The following MAP3K21 variants were observed in gnomAD, a reference collection of about 807,000 sequenced individuals.
MAP3K21 encodes the protein mitogen-activated protein kinase kinase kinase 21.
In MAP3K21, 63 loss-of-function variants were observed where a neutral mutation model predicts 86.1. The observed-to-expected ratio is 0.73, with a 90% CI of 0.60 to 0.90. The LOEUF (loss-of-function observed/expected upper bound fraction) is 0.90, where lower values mean the gene tolerates loss of function less well. Ranked by LOEUF, MAP3K21 falls within the 40% of genes least tolerant of loss-of-function variation. The probability of loss-of-function intolerance (pLI) is 0.00; values close to 1 mark genes in which losing one functional copy is unlikely to be tolerated. For missense variants in MAP3K21, 1,220 were observed against 1,367.7 expected (o/e 0.89, Z 1.70); for synonymous variants, 558 against 564.8 (o/e 0.99, Z 0.17).
intron 9 of MAP3K21, among the ~76,000 whole-genome samples, chr1:233,380,002 C>T (rs567915051): frequency 1.2e-4 from 18 of 152,320 alleles, no homozygotes; most frequent in Admixed American, 1.2e-3. Context: ...GAAAGACAAG[C>T]CAGCTGCCCC....
intron 5 of MAP3K21, among the ~76,000 whole-genome samples, chr1:233,370,187 T>C (rs1663657447): frequency 6.6e-6 from 1 of 152,208 alleles, no homozygotes; most frequent in African/African-American, 2.4e-5. Flanking sequence ...TGAGCATTTA[T>C]TATGTCCCAA....
chr1:233,352,392 T>G (rs1321429705), intron 2 of MAP3K21, among the ~76,000 whole-genome samples: 1 of 152,030 alleles, frequency 6.6e-6, no homozygotes, highest in East Asian at 1.9e-4. Context: ...CATCCTACAG[T>G]GCGTTAAAAC....
Position 233,376,722 on chromosome 1 carries a change from T to C in MAP3K21, c.1924+195T>C, listed in dbSNP as rs573622092. Among the ~76,000 whole-genome samples the C allele has an allele frequency of 2.0e-5, 3 of 152,354 alleles. No individual in the cohort carries two copies. The South Asian group carries it at 6.2e-4, about 32-fold the overall frequency. The stretch of plus-strand genomic sequence containing the variant: ...TATTTATGGCAGGAAGTAATTAGGC[T>C]TCACGTGGTTTTGGGAATTTGTAAC... On this transcript the variant is annotated intron_variant, in intron 8 of 9. Coordinates refer to ENST00000366624, the MANE Select transcript of MAP3K21 (RefSeq NM_032435.3).
chr1:233,335,165 A>T (rs1490046579), intron 1 of MAP3K21, among the ~76,000 whole-genome samples: 1 of 152,100 alleles, frequency 6.6e-6, no homozygotes, highest in Non-Finnish European at 1.5e-5. Context: ...GGGCTCCCGA[A>T]AAATAGAAGC....
intron 5 of MAP3K21, among the ~76,000 whole-genome samples, chr1:233,364,245 G>T (rs1475744091): frequency 6.6e-6 from 1 of 151,550 alleles, no homozygotes; most frequent in Non-Finnish European, 1.5e-5. Context: ...TGACTGGTCT[G>T]TCTTACGTGT....
rs779367692 is a variant in MAP3K21, at chr1:233,346,576, G to A, written c.940G>A (p.Glu314Lys). The A allele has an allele frequency of 1.9e-6, 3 of 1,613,894 alleles. No individual in the cohort carries two copies. The highest frequency in any genetic ancestry group is 2.2e-5 in the East Asian group (1 of 44,882). The change falls in exon 2 of 10, where the codon GAA becomes AAA. Residue 314 changes from glutamate (E) to lysine (K), a missense_variant. Physicochemically the swap from Glu to Lys is moderately conservative, Grantham distance 56 (BLOSUM62 1). Coordinates refer to ENST00000366624, the MANE Select transcript of MAP3K21 (RefSeq NM_032435.3). ...AGGCACCTATGCCTGGATGGCCCCC[G>A]AAGTGATCAAGTCTTCCTTGTTTTC... The part of the protein sequence containing the change: ...TAGTYAWMAP[E>K]VIKSSLFSKG...
intron 2 of MAP3K21, among the ~76,000 whole-genome samples, chr1:233,353,593 T>A (rs974494505): frequency 6.6e-6 from 1 of 152,232 alleles, no homozygotes. Flanking sequence ...GAATGCATAC[T>A]GGATTTCTGG....
At chr1:233,355,487 G>A (rs1168698156) in intron 4 of MAP3K21, among the ~76,000 whole-genome samples, 1 of 152,160 alleles carries the variant, frequency 6.6e-6, no homozygotes, top group African/African-American at 2.4e-5. Context: ...CTTACTACAT[G>A]CTGGGACAGT....
At chr1:233,379,791 T>C (rs1176847533) in intron 9 of MAP3K21, 81 bp downstream of exon 9, 2 of 1,084,944 alleles carry the variant, frequency 1.8e-6, no homozygotes, top group Non-Finnish European at 2.7e-6. Context: ...TATGATTTTA[T>C]CTTTTCCTGG....
chr1:233,358,970 C>T (rs867331517), intron 4 of MAP3K21, among the ~76,000 whole-genome samples: 4 of 151,752 alleles, frequency 2.6e-5, no homozygotes, highest in Admixed American at 6.6e-5. Context: ...CCACCACACC[C>T]GGCTAATTTT....
intron 1 of MAP3K21, among the ~76,000 whole-genome samples, chr1:233,331,072 C>T (rs1193959593): frequency 6.6e-6 from 1 of 152,058 alleles, no homozygotes; most frequent in Non-Finnish European, 1.5e-5. Context: ...TTTACTGACA[C>T]CAGAAAAACT....
At position 233,354,848 on chromosome 1, in the gene MAP3K21, A is replaced by C; in HGVS notation, c.1148A>C (p.Gln383Pro). The change falls in exon 4 of 10, where the codon CAA (glutamine) becomes CCA (proline). Residue 383 changes from glutamine (Q) to proline (P), a missense_variant. This residue lies in a region of MAP3K21 where 126 missense variants were observed against 127.7 expected (regional missense o/e 0.99). Coordinates refer to ENST00000366624, the MANE Select transcript of MAP3K21 (RefSeq NM_032435.3). ...TTGTTTATTTTAGAATGCTGGCAAC[A>C]AGACCCTCATATTCGTCCATCGTTT... ...FAKLMKECWQ[Q>P]DPHIRPSFAL... The C allele has an allele frequency of 1.2e-6, 2 of 1,614,016 alleles. No individual in the cohort carries two copies. Among genetic ancestry groups the C allele is most frequent in the Non-Finnish European group, 1.7e-6 (2 of 1,179,948 alleles).
Position 233,379,383 on chromosome 1 carries a change from C to A in MAP3K21, c.2377C>A (p.Leu793Met). The A allele has an allele frequency of 6.2e-7, 1 of 1,614,242 alleles. No individual in the cohort carries two copies. The highest frequency in any genetic ancestry group is 8.5e-7 in the Non-Finnish European group (1 of 1,180,036). ...TCGEASSPPSLPLSSALGILS... is the reference protein window; with the variant it reads ...TCGEASSPPSMPLSSALGILS... ...TGGGGAGGCCAGCAGCCCACCCTCC[C>A]TGCCACTGTCAAGTGCCCTGGGCAT... The change falls in exon 9 of 10, where the codon CTG (leucine) becomes ATG (methionine). Residue 793 changes from leucine to methionine, a missense_variant. Around this residue, in one of 5 missense-constraint regions of MAP3K21, gnomAD observed 632 missense variants for 691.3 expected, o/e 0.91. Transcript: ENST00000366624.
chr1:233,333,340 T>C (rs1321408103), intron 1 of MAP3K21, among the ~76,000 whole-genome samples: 1 of 152,222 alleles, frequency 6.6e-6, no homozygotes, highest in Non-Finnish European at 1.5e-5. Context: ...GTAACTGAGA[T>C]CTACATCTGC....
intron 1 of MAP3K21, among the ~76,000 whole-genome samples, chr1:233,344,694 C>A (rs1036681907): frequency 1.3e-5 from 2 of 152,138 alleles, no homozygotes; most frequent in Admixed American, 1.3e-4. Context: ...AACCAAAACA[C>A]CAAAAGCAAT....
In MAP3K21 at chr1:233,382,979, A is replaced by C; in HGVS notation, c.*268A>C. ...ACCAATGAAAACTATGCTGGGTCGA[A>C]TTACCTTCAGCACAATGTTAATGTT... On this transcript the variant is annotated 3_prime_UTR_variant, in exon 10 of 10. Coordinates refer to ENST00000366624, the MANE Select transcript of MAP3K21 (RefSeq NM_032435.3). 1 of 315,970 alleles carries C rather than the reference A, an allele frequency of 3.2e-6. No individual in the cohort carries two copies. The allele number at this position is 315,970 out of a possible 1,614,324, so 19.6% of individuals were successfully genotyped here.
At chr1:233,351,758 A>G (rs1295841354) in intron 2 of MAP3K21, among the ~76,000 whole-genome samples, 1 of 152,110 alleles carries the variant, frequency 6.6e-6, no homozygotes, top group African/African-American at 2.4e-5. Flanking sequence ...TGGCTTCTAC[A>G]TTTCACATTT....
Position 233,379,539 on chromosome 1 carries a change from A to G in MAP3K21, c.2533A>G (p.Ser845Gly). 6.2e-7 allele frequency: 1 copy of G among 1,614,224 alleles called. No homozygotes were observed. Among genetic ancestry groups the G allele is most frequent in the East Asian group, 2.2e-5 (1 of 44,876 alleles). ...GGATTTTTGTCCCACTGCCCCAGGA[A>G]GTGGTCGTGAGCCAGCCCTCATGCC... ...TPDFCPTAPG[S>G]GREPALMPRL... is the part of the protein sequence containing the mutation. Residue 845 changes from serine to glycine, a missense_variant, in exon 9 of 10, where the codon AGT becomes GGT. Physicochemically the swap from Ser to Gly is moderately conservative, Grantham distance 56 (BLOSUM62 0). This residue lies in a region of MAP3K21 where 632 missense variants were observed against 691.3 expected (regional missense o/e 0.91). Transcript: ENST00000366624.
intron 4 of MAP3K21, among the ~76,000 whole-genome samples, chr1:233,356,586 C>T (rs1275426515): frequency 6.6e-6 from 1 of 152,198 alleles, no homozygotes; most frequent in Non-Finnish European, 1.5e-5. Flanking sequence ...TGTTCCACTT[C>T]CGCTTACAGA....
Sources: gnomAD v4.1 joint callset for allele counts (sites outside exome capture counted in the v4.1 genomes callset) on GRCh38, gnomAD v4.1.1 for gene constraint, gnomAD v4.1.1 regional missense constraint, MANE v1.5 for transcripts, NCBI Gene and HGNC (gene_info 2026-07-23, HGNC 2026-07-21) for gene names.